Variants in OTUD7A observed in about 807,000 individuals in gnomAD.
OTUD7A encodes the protein OTU domain-containing protein 7A.
A neutral mutation model predicts 65.7 loss-of-function variants in OTUD7A; 12 were observed. That is an observed-to-expected ratio of 0.18 (90% CI 0.12 to 0.30). OTUD7A has a LOEUF of 0.30. Ranked by LOEUF, OTUD7A falls within the 10% of genes least tolerant of loss-of-function variation. The pLI is 1.00. For synonymous variants in OTUD7A, 641 were observed against 586.3 expected (o/e 1.09, Z -1.35); for missense variants, 1,148 against 1,304.8 (o/e 0.88, Z 1.85).
At chr15:31,602,798 T>A (rs1890119951) in intron 3 of OTUD7A, among the ~76,000 whole-genome samples, 1 of 136,112 alleles carries the variant, frequency 7.3e-6, no homozygotes, top group Non-Finnish European at 1.5e-5. Context: ...CAAGCATTCC[T>A]ATACACCAAT....
intron 1 of OTUD7A, among the ~76,000 whole-genome samples, chr15:31,717,951 T>C (rs1893635458): frequency 6.6e-6 from 1 of 152,184 alleles, no homozygotes; most frequent in Admixed American, 6.5e-5. Flanking sequence ...TGAGAGATGG[T>C]ATCCTTGGGC....
intron 1 of OTUD7A, chr15:31,766,702 T>G (rs916436878): frequency 2.7e-5 from 43 of 1,608,810 alleles, no homozygotes; most frequent in Non-Finnish European, 3.4e-5. Context: ...CAACTCCTCT[T>G]GGTCTTGAAC....
chr15:31,635,628 T>C (rs1396180596), intron 3 of OTUD7A, among the ~76,000 whole-genome samples: 1 of 152,264 alleles, frequency 6.6e-6, no homozygotes, highest in African/African-American at 2.4e-5. Flanking sequence ...GGGCATGTAC[T>C]ACAACTCTCT....
intron 1 of OTUD7A, among the ~76,000 whole-genome samples, chr15:31,684,138 T>C (rs1233966227): frequency 6.6e-6 from 1 of 152,222 alleles, no homozygotes. Context: ...TCTCCACAAA[T>C]AAGGTGCCTC....
chr15:31,849,504 A>C (rs1897368688), intron 1 of OTUD7A, among the ~76,000 whole-genome samples: 1 of 152,238 alleles, frequency 6.6e-6, no homozygotes, highest in Admixed American at 6.5e-5. Flanking sequence ...CAAGGACTTC[A>C]TGACTAAAAC....
chr15:31,860,675 GTGTATATATATATATATATATATATGTA>G (rs1243750081), intron 1 of OTUD7A, among the ~76,000 whole-genome samples: 8 of 13,116 alleles, frequency 6.1e-4, no homozygotes, highest in Admixed American at 1.6e-3. Flanking sequence ...AGATGTATGT[GTGTATATATATATATATATATATATGTA>G]TGTATATATA....
At chr15:31,529,117 T>TA (rs1433218791) in intron 6 of OTUD7A, among the ~76,000 whole-genome samples, 2 of 152,182 alleles carry the variant, frequency 1.3e-5, no homozygotes, top group Non-Finnish European at 2.9e-5. Flanking sequence ...ATGGGGACAA[T>TA]GACTCTACAT....
Position 31,480,257 on chromosome 15 carries a change from C to G in OTUD7A, c.*3037G>C, listed in dbSNP as rs1228453721. 6.6e-6 allele frequency: 1 copy of G among 152,190 alleles called. No homozygotes were observed. The highest frequency in any genetic ancestry group is 1.5e-5 in the Non-Finnish European group (1 of 68,038). 9.4% of individuals were successfully genotyped at this position (152,190 alleles called of 1,614,324 possible). On this transcript the variant is annotated 3_prime_UTR_variant, in exon 13 of 13. Transcript: ENST00000307050. ...TCTACCAACAGAATACACTGAAAAA[C>G]ACCTTCCCTTAACAATATTTTAAAA...
chr15:31,651,934 C>A, intron 3 of OTUD7A, among the ~76,000 whole-genome samples: 1 of 128,202 alleles, frequency 7.8e-6, no homozygotes, highest in African/African-American at 2.9e-5. Context: ...AAATTGTAGA[C>A]AAAATCTCAG....
At chr15:31,666,537 T>C (rs1276845308) in intron 1 of OTUD7A, among the ~76,000 whole-genome samples, 1 of 152,200 alleles carries the variant, frequency 6.6e-6, no homozygotes, top group African/African-American at 2.4e-5. Context: ...CTTTTCTTAG[T>C]TAATCTTGCT....
intron 5 of OTUD7A, among the ~76,000 whole-genome samples, chr15:31,535,362 G>C (rs1307020158): frequency 6.6e-6 from 1 of 152,024 alleles, no homozygotes; most frequent in African/African-American, 2.4e-5. Flanking sequence ...TTCCCCTTCT[G>C]CCATGATTGT....
intron 3 of OTUD7A, among the ~76,000 whole-genome samples, chr15:31,570,893 G>A (rs985334173): frequency 6.6e-6 from 1 of 152,232 alleles, no homozygotes; most frequent in African/African-American, 2.4e-5. Context: ...CCGACTCTGA[G>A]AGTCAGTGGG....
At chr15:31,832,968 C>T (rs1194353635) in intron 1 of OTUD7A, among the ~76,000 whole-genome samples, 2 of 152,188 alleles carry the variant, frequency 1.3e-5, no homozygotes, top group Non-Finnish European at 2.9e-5. Flanking sequence ...AGTGGGACTG[C>T]TGGATCCTAC....
At chr15:31,768,033 A>G (rs530830948) in intron 1 of OTUD7A, 2 of 1,601,074 alleles carry the variant, frequency 1.2e-6, no homozygotes, top group African/African-American at 2.7e-5. Flanking sequence ...TTATTTCTTA[A>G]TAGGTCATAA....
chr15:31,622,486 C>G (rs1490456046), intron 3 of OTUD7A, among the ~76,000 whole-genome samples: 1 of 152,068 alleles, frequency 6.6e-6, no homozygotes. Flanking sequence ...TTTCTCTAAA[C>G]TTCTCTTCTT....
chr15:31,798,308 C>T (rs527609409), intron 1 of OTUD7A, among the ~76,000 whole-genome samples: 2 of 152,142 alleles, frequency 1.3e-5, no homozygotes, highest in African/African-American at 2.4e-5. Flanking sequence ...GAGATAAATG[C>T]TGTGCCCGTG....
chr15:31,749,581 G>A (rs1894573454), intron 1 of OTUD7A, among the ~76,000 whole-genome samples: 1 of 152,110 alleles, frequency 6.6e-6, no homozygotes. Context: ...CATTTTAAAA[G>A]TGGCATATTC....
intron 1 of OTUD7A, among the ~76,000 whole-genome samples, chr15:31,718,918 AC>A (rs1893663327): frequency 7.1e-6 from 1 of 141,100 alleles, no homozygotes; most frequent in Non-Finnish European, 1.6e-5. Flanking sequence ...AAAAAAAAAA[AC>A]TGTGTAAACC....
At chr15:31,535,667 T>C (rs972711778) in intron 5 of OTUD7A, among the ~76,000 whole-genome samples, 7 of 140,482 alleles carry the variant, frequency 5.0e-5, no homozygotes, top group Non-Finnish European at 1.1e-4. Flanking sequence ...CCTTGGGTTC[T>C]GTTTTTGTTT....
Sources: allele counts gnomAD v4.1 joint callset (sites outside exome capture counted in the v4.1 genomes callset), GRCh38; gene constraint gnomAD v4.1.1; transcripts MANE v1.5; gene names NCBI Gene and HGNC (gene_info 2026-07-23, HGNC 2026-07-21).